Variants in UACA observed in about 807,000 individuals in gnomAD.
The protein encoded by UACA is nuclear membrane binding protein.
A neutral mutation model predicts 160.5 loss-of-function variants in UACA; 112 were observed. The observed-to-expected ratio is 0.70, with a 90% CI of 0.60 to 0.82. The LOEUF is 0.82. UACA is among the 40% of genes least tolerant of loss of function. The pLI is 0.00. For synonymous variants in UACA, 557 were observed against 568.4 expected (o/e 0.98, Z 0.29); for missense variants, 1,574 against 1,614.6 (o/e 0.97, Z 0.43).
intron 8 of UACA, among the ~76,000 whole-genome samples, chr15:70,683,123 G>T (rs193183569): frequency 6.6e-6 from 1 of 151,832 alleles, no homozygotes; most frequent in Non-Finnish European, 1.5e-5. Flanking sequence ...TGGGAGGCTG[G>T]GGCAGGAGGA....
chr15:70,767,331 G>A (rs1363493881), upstream of UACA, among the ~76,000 whole-genome samples: 2 of 151,604 alleles, frequency 1.3e-5, no homozygotes, highest in African/African-American at 2.4e-5. Context: ...GCTCACAACT[G>A]TAATTCCAGG....
At chr15:70,715,748 T>C (rs1430932337) in intron 1 of UACA, among the ~76,000 whole-genome samples, 2 of 152,168 alleles carry the variant, frequency 1.3e-5, no homozygotes, top group South Asian at 2.1e-4. Flanking sequence ...TAAAAATACA[T>C]GGCCAAATTA....
intron 1 of UACA, among the ~76,000 whole-genome samples, chr15:70,724,185 C>A (rs1295982613): frequency 6.6e-6 from 1 of 152,170 alleles, no homozygotes; most frequent in East Asian, 1.9e-4. Context: ...TGTTGAGCAA[C>A]TGAATAAACT....
intron 1 of UACA, among the ~76,000 whole-genome samples, chr15:70,714,260 G>A (rs940066707): frequency 6.6e-6 from 1 of 152,056 alleles, no homozygotes; most frequent in Non-Finnish European, 1.5e-5. Flanking sequence ...TAGTCCAAAG[G>A]TTATTTATTA....
chr15:70,709,868 T>A (rs1898629930), intron 1 of UACA, among the ~76,000 whole-genome samples: 1 of 152,220 alleles, frequency 6.6e-6, no homozygotes, highest in South Asian at 2.1e-4. Flanking sequence ...GTAATTTATA[T>A]AGGATGATAG....
intron 3 of UACA, among the ~76,000 whole-genome samples, chr15:70,693,796 T>C (rs1019053652): frequency 2.0e-5 from 3 of 152,096 alleles, no homozygotes; most frequent in Non-Finnish European, 2.9e-5. Flanking sequence ...ACACAATAAA[T>C]AGTCTTAAGA....
At chr15:70,763,071 T>C (rs2030870683) in intron 1 of UACA, among the ~76,000 whole-genome samples, 1 of 152,066 alleles carries the variant, frequency 6.6e-6, no homozygotes, top group South Asian at 2.1e-4. Flanking sequence ...ACCGCCCCAC[T>C]GAGGTTTCTT....
At chr15:70,716,993 G>A (rs1381455076) in intron 1 of UACA, among the ~76,000 whole-genome samples, 4 of 152,130 alleles carry the variant, frequency 2.6e-5, no homozygotes, top group Non-Finnish European at 4.4e-5. Flanking sequence ...AGGCCAAGGC[G>A]GGCAGATCAC....
chr15:70,714,996 G>T (rs372050317), intron 1 of UACA, among the ~76,000 whole-genome samples: 1 of 152,142 alleles, frequency 6.6e-6, no homozygotes, highest in Non-Finnish European at 1.5e-5. Context: ...ATTATAATGT[G>T]TATCATACAA....
chr15:70,665,407 T>G (rs1050889105), intron 16 of UACA, among the ~76,000 whole-genome samples: 3 of 152,166 alleles, frequency 2.0e-5, no homozygotes, highest in Admixed American at 6.5e-5. Flanking sequence ...TTTCTGAGCC[T>G]TAGATTCCAC....
At chr15:70,691,152 C>T in intron 4 of UACA, 147 bp downstream of exon 4, 1 of 532,114 alleles carries the variant, frequency 1.9e-6, no homozygotes, top group Non-Finnish European at 3.2e-6. Flanking sequence ...GTTCACATTC[C>T]TTCACAAATG....
intron 3 of UACA, 113 bp from the exon 4 acceptor site, chr15:70,691,476 T>G: frequency 2.9e-6 from 2 of 696,472 alleles, no homozygotes; most frequent in Non-Finnish European, 4.7e-6. Context: ...ATACTTAATC[T>G]GTAAGTATAC....
upstream of UACA, among the ~76,000 whole-genome samples, chr15:70,765,094 G>A (rs1466965960): frequency 1.3e-5 from 2 of 152,120 alleles, no homozygotes; most frequent in Non-Finnish European, 2.9e-5. Flanking sequence ...ACGCGACCCT[G>A]TTCTCTAGCC....
At chr15:70,679,776 T>A in intron 9 of UACA, 100 bp from the exon 10 acceptor site, 2 of 669,430 alleles carry the variant, frequency 3.0e-6, no homozygotes, top group Non-Finnish European at 5.1e-6. Context: ...ATTTTCAGTT[T>A]ATCCAACATT....
rs947475803 is a variant in UACA at position 70,687,549 on chromosome 15, T to C, written c.593A>G (p.Lys198Arg). The stretch of plus-strand genomic sequence containing the variant: ...ATGATAAAAGAATTACCTGTTTTGT[T>C]TGTCTCTGGAATTAACATCCGCTCC... ...DRGADVNSRD[K>R]QNRTALMLGC... is the part of the protein sequence containing the mutation. The change falls in exon 7 of 19, where the codon AAA becomes AGA. Residue 198 changes from lysine to arginine, a missense_variant. Lys to Arg is a conservative substitution (Grantham distance 26, BLOSUM62 2). Transcript: ENST00000322954. 3.1e-6 allele frequency: 5 copies of C among 1,613,706 alleles called. No individual in the cohort carries two copies. The African/African-American group carries it at 5.3e-5, about 17-fold the overall frequency.
intron 1 of UACA, among the ~76,000 whole-genome samples, chr15:70,763,085 G>A (rs1376244464): frequency 6.6e-6 from 1 of 152,208 alleles, no homozygotes; most frequent in Admixed American, 6.5e-5. Flanking sequence ...GTTTCTTCCA[G>A]AAGTTCGGAG....
chr15:70,655,880 G>C lies in UACA; in HGVS notation c.*1176C>G, dbSNP rs1353043111. The stretch of plus-strand genomic sequence containing the variant: ...TAATGATCCATTTATTCAGTTATTT[G>C]TTAATACTCAAATTAGTAATTTTCA... On this transcript the variant is annotated 3_prime_UTR_variant, in exon 19 of 19. Coordinates refer to ENST00000322954, the MANE Select transcript of UACA (RefSeq NM_018003.4). 6.6e-6 allele frequency: 1 copy of C among 152,058 alleles called. No homozygotes were observed. The highest frequency in any genetic ancestry group is 1.5e-5 in the Non-Finnish European group (1 of 67,996). 9.4% of individuals were successfully genotyped at this position (152,058 alleles called of 1,614,324 possible).
chr15:70,676,525 C>T lies in UACA; in HGVS notation c.1099G>A (p.Glu367Lys). The change falls in exon 13 of 19, where the codon GAG (glutamate) becomes AAG (lysine). Residue 367 changes from glutamate (E) to lysine (K), a missense_variant. Glu to Lys is a moderately conservative substitution (Grantham distance 56). Coordinates refer to ENST00000322954, the MANE Select transcript of UACA (RefSeq NM_018003.4). ...KQHEESLRTI[E>K]ALKNRFKYFE... ...TATTTAAATCTATTTTTCAGAGCCTCAATAGTCCTTAAGCTTTCTTCATGT... is the reference window on the plus strand; with the variant it reads ...TATTTAAATCTATTTTTCAGAGCCTTAATAGTCCTTAAGCTTTCTTCATGT... The T allele has an allele frequency of 6.2e-7, 1 of 1,612,600 alleles. No individual in the cohort carries two copies. The highest frequency in any genetic ancestry group is 8.5e-7 in the Non-Finnish European group (1 of 1,179,548).
chr15:70,701,207 T>C (rs926345012), intron 1 of UACA, among the ~76,000 whole-genome samples: 1 of 152,190 alleles, frequency 6.6e-6, no homozygotes, highest in Admixed American at 6.5e-5. Flanking sequence ...TACTTCCTCC[T>C]AACTTCAAAA....
Sources: gnomAD v4.1 joint callset for allele counts (sites outside exome capture counted in the v4.1 genomes callset) on GRCh38, gnomAD v4.1.1 for gene constraint, MANE v1.5 for transcripts, NCBI Gene and HGNC (gene_info 2026-07-23, HGNC 2026-07-21) for gene names.